Variants in CWH43 observed in about 807,000 individuals in gnomAD.
CWH43 encodes the protein cell wall biogenesis 43 C-terminal homolog.
Under a neutral mutation model 85.7 loss-of-function variants are expected in CWH43, and 91 were observed. The observed-to-expected ratio is 1.06, with a 90% CI of 0.90 to 1.26. CWH43 has a LOEUF of 1.26. Among genes scored for constraint, CWH43 ranks in the 50% most tolerant of loss-of-function variants. CWH43 has a pLI of 0.00. For missense variants in CWH43, 869 were observed against 839.2 expected, an observed-to-expected ratio of 1.04 and a Z score of -0.44; for synonymous variants, 323 against 293.6, an observed-to-expected ratio of 1.10 and a Z score of -1.02.
At chr4:49,043,193 G>A (rs997714593) in intron 13 of CWH43, among the ~76,000 whole-genome samples, 1 of 152,162 alleles carries the variant, frequency 6.6e-6, no homozygotes, top group African/African-American at 2.4e-5. Context: ...GTTTGATGAT[G>A]AAATAGAAGA....
Position 49,061,835 on chromosome 4 carries a change from AC to A in CWH43, c.2046del (p.His682GlnfsTer11), listed in dbSNP as rs373894787. ...AGATTTGGATCCTACAAAGAAGGAC[AC>A]AATTATGAAAACAACCATCATTTTC... is the stretch of plus-strand genomic sequence containing the variant. ...NPRFGSYKEGHNYENNHHFHM... is the reference protein window; with the variant it reads ...NPRFGSYKEGXNYENNHHFHM... On this transcript the variant is annotated frameshift_variant, in exon 16 of 16. Transcript: ENST00000226432. LOFTEE classifies it high-confidence loss of function. 18 of 1,394,656 alleles carry A rather than the reference AC, an allele frequency of 1.3e-5. 1 individual carries two copies. In the African/African-American group the frequency reaches 2.6e-4, roughly 20 times the overall value. 86.4% of individuals were successfully genotyped at this position (1,394,656 alleles called of 1,614,324 possible).
At chr4:49,017,753 G>A (rs1403069022) in intron 9 of CWH43, among the ~76,000 whole-genome samples, 6 of 152,228 alleles carry the variant, frequency 3.9e-5, no homozygotes, top group Non-Finnish European at 5.9e-5. Flanking sequence ...CAGGAAACTT[G>A]CAATCATAGT....
chr4:49,045,865 C>A (rs571132539), intron 14 of CWH43, among the ~76,000 whole-genome samples: 2 of 152,110 alleles, frequency 1.3e-5, no homozygotes, highest in East Asian at 3.9e-4. Context: ...TTTATCATTT[C>A]TTTGTTGTAA....
intron 13 of CWH43, among the ~76,000 whole-genome samples, chr4:49,039,311 A>ATG (rs1560509011): frequency 3.8e-5 from 1 of 26,194 alleles, no homozygotes; most frequent in Non-Finnish European, 1.1e-4. Flanking sequence ...AGACTGATAT[A>ATG]TATATATATA....
chr4:49,038,565 C>A (rs1784336194), intron 13 of CWH43, among the ~76,000 whole-genome samples: 1 of 152,128 alleles, frequency 6.6e-6, no homozygotes, highest in African/African-American at 2.4e-5. Flanking sequence ...GTGAAAATCC[C>A]AAGAGAACCA....
intron 6 of CWH43, 34 bp from the exon 7 acceptor site, chr4:49,003,701 T>TG: frequency 6.2e-7 from 1 of 1,611,694 alleles, no homozygotes; most frequent in Non-Finnish European, 8.5e-7. Context: ...GCTCGACTGC[T>TG]TTCCTGTCTG....
intron 15 of CWH43, 115 bp downstream of exon 15, chr4:49,050,964 G>A (rs1560515872): frequency 1.4e-6 from 1 of 711,222 alleles, no homozygotes. Flanking sequence ...TTTATTCCAG[G>A]TAAGGGAGAC....
rs934055071 is a variant in CWH43, at chr4:49,020,903, A to AT, written c.1266+3585dup. ...TGTCCTTAGCTCACTTTTTGATGGG[A>AT]TTTTTTTTTTCTTGCTGATTTGTTT... On this transcript the variant is annotated intron_variant, in intron 9 of 15. Transcript: ENST00000226432. Among the ~76,000 whole-genome samples the AT allele has an allele frequency of 1.9e-3, 277 of 146,956 alleles. 1 individual carries two copies. The highest frequency in any genetic ancestry group is 4.7e-3 in the South Asian group (22 of 4,632).
intron 9 of CWH43, among the ~76,000 whole-genome samples, chr4:49,017,758 C>T (rs1388421992): frequency 1.3e-5 from 2 of 152,034 alleles, no homozygotes; most frequent in South Asian, 2.1e-4. Context: ...AACTTGCAAT[C>T]ATAGTGAAAG....
chr4:49,038,026 C>T lies in CWH43; in HGVS notation c.1659-10C>T. 3 of 1,588,966 alleles carry T rather than the reference C, an allele frequency of 1.9e-6. No individual in the cohort carries two copies. Among genetic ancestry groups the T allele is most frequent in the South Asian group, 2.3e-5 (2 of 86,092 alleles). The stretch of plus-strand genomic sequence containing the variant: ...AATACAATAAAGGGTCATATTTTTA[C>T]ATTTTTTAGAGATGACCTCGACAGG... On this transcript the variant is annotated splice_polypyrimidine_tract_variant and intron_variant, in intron 12 of 15. Transcript: ENST00000226432.
In CWH43 at chr4:49,030,858, C is replaced by A; in HGVS notation, c.1406C>A (p.Ala469Asp). Residue 469 changes from alanine to aspartate, a missense_variant, in exon 11 of 16, where the codon GCT (alanine) becomes GAT (aspartate). Coordinates refer to ENST00000226432, the MANE Select transcript of CWH43 (RefSeq NM_025087.3). ...ADFITILESD[A>D]SKPYMGNNDL... is the part of the protein sequence containing the mutation. ...TTCATAACAATTTTGGAGAGTGATG[C>A]TTCTAAGCCCTATATGGGGAACAAT... The A allele has an allele frequency of 6.3e-7, 1 of 1,596,622 alleles. No homozygotes were observed. Among genetic ancestry groups the A allele is most frequent in the Non-Finnish European group, 8.5e-7 (1 of 1,174,390 alleles).
At chr4:49,025,044 C>A (rs1194558723) in intron 9 of CWH43, among the ~76,000 whole-genome samples, 1 of 151,712 alleles carries the variant, frequency 6.6e-6, no homozygotes, top group Non-Finnish European at 1.5e-5. Flanking sequence ...CTTTGTTTAT[C>A]TTTTAAATTT....
chr4:49,042,594 C>A (rs187442034), intron 13 of CWH43, among the ~76,000 whole-genome samples: 1 of 151,936 alleles, frequency 6.6e-6, no homozygotes, highest in South Asian at 2.1e-4. Context: ...TGTAGGGAAG[C>A]GTTGAAGCCA....
intron 8 of CWH43, chr4:49,016,961 G>C: frequency 1.3e-6 from 1 of 783,142 alleles, no homozygotes; most frequent in Non-Finnish European, 2.4e-6. Flanking sequence ...CTTTGTAGCA[G>C]TTCTGCGCAG....
At chr4:49,013,278 G>A (rs1783426490) in intron 8 of CWH43, among the ~76,000 whole-genome samples, 1 of 152,250 alleles carries the variant, frequency 6.6e-6, no homozygotes, top group Admixed American at 6.5e-5. Flanking sequence ...AAGGCTCCCT[G>A]TGTGAGGTAC....
chr4:49,060,318 C>T (rs982907375), intron 15 of CWH43, among the ~76,000 whole-genome samples: 6 of 152,084 alleles, frequency 3.9e-5, no homozygotes, highest in African/African-American at 1.4e-4. Context: ...AGGCTGGGTC[C>T]ATGTGTTCTG....
intron 13 of CWH43, 105 bp from the exon 14 acceptor site, chr4:49,044,681 C>T (rs1273029530): frequency 2.6e-5 from 21 of 801,184 alleles, no homozygotes; most frequent in East Asian, 1.6e-4. Context: ...GAGAAAACAG[C>T]ATGTACAAAG....
At chr4:49,016,317 G>C (rs17657136) in intron 8 of CWH43, among the ~76,000 whole-genome samples, 89,643 of 152,014 alleles carry the variant, frequency 0.59, 29,490 homozygotes, top group Admixed American at 0.76. Context: ...TGAGTGGTTC[G>C]CATACAGAGC....
intron 4 of CWH43, among the ~76,000 whole-genome samples, chr4:48,993,528 G>T (rs1301592436): frequency 6.6e-6 from 1 of 152,088 alleles, no homozygotes; most frequent in Non-Finnish European, 1.5e-5. Flanking sequence ...GGCTGGATGG[G>T]GTCACAAAGC....
Sources: allele counts gnomAD v4.1 joint callset (sites outside exome capture counted in the v4.1 genomes callset), GRCh38; gene constraint gnomAD v4.1.1; transcripts MANE v1.5; gene names NCBI Gene and HGNC (gene_info 2026-07-23, HGNC 2026-07-21).